Variants in PTPRN2 observed in about 807,000 individuals in gnomAD.
The protein encoded by PTPRN2 is protein tyrosine phosphatase receptor type N2.
A neutral mutation model predicts 118.8 loss-of-function variants in PTPRN2; 74 were observed. The ratio of observed to expected loss-of-function variants is 0.62; its 90% CI spans 0.52 to 0.76. The LOEUF (loss-of-function observed/expected upper bound fraction) is 0.76. Among genes scored for constraint, PTPRN2 ranks in the 30% least tolerant of loss-of-function variants. The pLI is 0.00. For synonymous variants in PTPRN2, 641 were observed against 608.0 expected (o/e 1.05, Z -0.80); for missense variants, 1,481 against 1,394.4 (o/e 1.06, Z -0.99).
chr7:157,921,240 C>G (rs1798676771), intron 11 of PTPRN2, among the ~76,000 whole-genome samples: 1 of 152,198 alleles, frequency 6.6e-6, no homozygotes, highest in South Asian at 2.1e-4. Context: ...AGGCTACACA[C>G]TGCATGATTC....
At position 157,842,279 on chromosome 7, in the gene PTPRN2, G is replaced by A. The variant is rs117586895; in HGVS notation, c.1788+56394C>T. 1.0e-3 allele frequency among the ~76,000 whole-genome samples: 154 copies of A among 152,186 alleles called. 2 individuals carry two copies. The South Asian group carries it at 0.015, about 15-fold the overall frequency. ...TCATTTCAGCGCGCTCCAATCAGCC[G>A]CCTCGTCCACCTGACCATCTCTTGA... is the stretch of plus-strand genomic sequence containing the variant. On this transcript the variant is annotated intron_variant, in intron 12 of 22. Coordinates refer to ENST00000389418, the MANE Select transcript of PTPRN2 (RefSeq NM_002847.5).
chr7:158,194,144 AGTGT>A lies in PTPRN2; in HGVS notation c.381-1653_381-1650del, dbSNP rs967476197. Among the ~76,000 whole-genome samples the A allele has an allele frequency of 2.7e-5, 4 of 145,996 alleles. No homozygotes were observed. In the East Asian group the frequency reaches 5.8e-4, roughly 21 times the overall value. ...GCATGTGCGTGTGTGAGTTTGTGTA[AGTGT>A]GTGTGTGAGTGTGTGAGGGGTGTGA... On this transcript the variant is annotated intron_variant, in intron 4 of 22. Transcript: ENST00000389418.
At chr7:157,545,007 G>A (rs1798214658) in intron 22 of PTPRN2, among the ~76,000 whole-genome samples, 1 of 149,268 alleles carries the variant, frequency 6.7e-6, no homozygotes, top group Non-Finnish European at 1.5e-5. Flanking sequence ...CAGGGTCCAT[G>A]ACTGTGTGTG....
At chr7:157,985,876 G>C (rs575252581) in intron 11 of PTPRN2, among the ~76,000 whole-genome samples, 70 of 145,246 alleles carry the variant, frequency 4.8e-4, no homozygotes, top group Admixed American at 4.3e-3. Context: ...ATGCCACCGC[G>C]TGTGAAATGC....
chr7:157,851,854 C>T (rs562307826), intron 12 of PTPRN2, among the ~76,000 whole-genome samples: 4 of 152,376 alleles, frequency 2.6e-5, no homozygotes, highest in Non-Finnish European at 5.9e-5. Context: ...CACAAAGCCT[C>T]AGCGCTCCCG....
At position 157,974,404 on chromosome 7, in the gene PTPRN2, A is replaced by T. The variant is rs1241142079; in HGVS notation, c.1724-75667T>A. 6.6e-6 allele frequency among the ~76,000 whole-genome samples: 1 copy of T among 152,102 alleles called. No homozygotes were observed. The highest frequency in any genetic ancestry group is 1.9e-4 in the East Asian group (1 of 5,192). On this transcript the variant is annotated intron_variant, in intron 11 of 22. Transcript: ENST00000389418. This position sits in a 1 kb window ranked among gnomAD's most constrained non-coding sequence, Gnocchi z 4.0. Reference sequence around the variant, plus strand: ...CCACCTGCCCTTGATTCCCTGTGGCACCTTGGGAGCATGGGGCTGCCCTAC... The same window carrying T: ...CCACCTGCCCTTGATTCCCTGTGGCTCCTTGGGAGCATGGGGCTGCCCTAC...
intron 11 of PTPRN2, among the ~76,000 whole-genome samples, chr7:158,080,314 CAAAAAAAAAA>C (rs556546951): frequency 2.8e-5 from 2 of 72,226 alleles, no homozygotes; most frequent in South Asian, 4.9e-4. Flanking sequence ...CAAATTTAAG[CAAAAAAAAAA>C]AAAAAAAAAA....
At chr7:157,727,373 C>A (rs1799658746) in intron 12 of PTPRN2, among the ~76,000 whole-genome samples, 1 of 152,118 alleles carries the variant, frequency 6.6e-6, no homozygotes, top group South Asian at 2.1e-4. Context: ...AGCCAGTCAC[C>A]AAAGGACACA....
chr7:158,139,493 G>T (rs550391238), intron 6 of PTPRN2, among the ~76,000 whole-genome samples: 63 of 141,876 alleles, frequency 4.4e-4, no homozygotes, highest in African/African-American at 1.8e-3. Flanking sequence ...AGGAGGGCAC[G>T]GGGGGGTGGG....
intron 1 of PTPRN2, among the ~76,000 whole-genome samples, chr7:158,566,331 G>A (rs1189814439): frequency 4.0e-5 from 6 of 151,478 alleles, no homozygotes; most frequent in Admixed American, 3.3e-4. Flanking sequence ...TCCAGCCTGG[G>A]TGACAAGAGC....
At chr7:157,983,549 C>T (rs115084358) in intron 11 of PTPRN2, among the ~76,000 whole-genome samples, 2,445 of 152,350 alleles carry the variant, frequency 0.016, 64 homozygotes, top group African/African-American at 0.055. Flanking sequence ...AACCTGAACC[C>T]ATGACTTTCA....
chr7:157,838,384 GTGGCTACT>G, intron 12 of PTPRN2, among the ~76,000 whole-genome samples: 1 of 144,150 alleles, frequency 6.9e-6, no homozygotes, highest in South Asian at 2.3e-4. Flanking sequence ...GCTCTCTGCC[GTGGCTACT>G]CCAGTTCCTC....
intron 12 of PTPRN2, among the ~76,000 whole-genome samples, chr7:157,789,262 C>T (rs1164571436): frequency 6.6e-6 from 1 of 152,200 alleles, no homozygotes; most frequent in Non-Finnish European, 1.5e-5. Flanking sequence ...GCCTTGTACT[C>T]TCCGCTCCCT....
At chr7:158,170,769 GT>G (rs1399544824) in intron 5 of PTPRN2, among the ~76,000 whole-genome samples, 1 of 152,088 alleles carries the variant, frequency 6.6e-6, no homozygotes, top group Non-Finnish European at 1.5e-5. Flanking sequence ...ACGGTTTGAG[GT>G]CCCCAAGGAA....
chr7:158,049,094 T>TCAACACCATTACC (rs1554521076), intron 11 of PTPRN2, among the ~76,000 whole-genome samples: 1 of 368 alleles, frequency 2.7e-3, no homozygotes, highest in Non-Finnish European at 6.1e-3. Flanking sequence ...TCAGCATCAC[T>TCAACACCATTACC]ATCATTACCA....
chr7:158,307,073 G>T (rs1226781140), intron 3 of PTPRN2, among the ~76,000 whole-genome samples: 1 of 151,942 alleles, frequency 6.6e-6, no homozygotes, highest in African/African-American at 2.4e-5. Context: ...CACCATGTTG[G>T]GCAGACTAGT....
intron 22 of PTPRN2, 37 bp from the exon 23 acceptor site, chr7:157,540,822 C>A (rs56673628): frequency 1.3e-6 from 2 of 1,501,202 alleles, no homozygotes; most frequent in Admixed American, 2.0e-5. Context: ...CCAATGAGAG[C>A]GGCGTCCCCC....
intron 6 of PTPRN2, among the ~76,000 whole-genome samples, chr7:158,149,513 G>C (rs1288062317): frequency 6.6e-6 from 1 of 151,658 alleles, no homozygotes; most frequent in Non-Finnish European, 1.5e-5. Context: ...TTTTTAAAAA[G>C]ATAAGCCCGG....
chr7:158,399,286 C>A (rs1812765964), intron 2 of PTPRN2, among the ~76,000 whole-genome samples: 1 of 152,180 alleles, frequency 6.6e-6, no homozygotes, highest in Non-Finnish European at 1.5e-5. Context: ...GTATAGGAGA[C>A]CCTGCTGAGC....
Sources: gnomAD v4.1 joint callset for allele counts (sites outside exome capture counted in the v4.1 genomes callset) on GRCh38, gnomAD v4.1.1 for gene constraint, Gnocchi (gnomAD v3.1) non-coding constraint, MANE v1.5 for transcripts, NCBI Gene and HGNC (gene_info 2026-07-23, HGNC 2026-07-21) for gene names.